The following SLC6A5 variants were observed in gnomAD, a reference collection of about 807,000 sequenced individuals.
The protein encoded by SLC6A5 is solute carrier family 6 member 5, also known as sodium- and chloride-dependent glycine transporter 2.
In SLC6A5, 58 loss-of-function variants were observed where a neutral mutation model predicts 90.5. The observed-to-expected ratio is 0.64, with a 90% CI of 0.52 to 0.80. The LOEUF is 0.80. SLC6A5 is among the 30% of genes least tolerant of loss of function. The probability of loss-of-function intolerance (pLI) is 0.00; values close to 1 mark genes in which losing one functional copy is unlikely to be tolerated. For synonymous variants in SLC6A5, 427 were observed against 401.4 expected, an observed-to-expected ratio of 1.06 and a Z score of -0.76; for missense variants, 1,015 against 1,017.6, an observed-to-expected ratio of 1.00 and a Z score of 0.03.
At chr11:20,618,125 GT>G (rs570676070) in intron 7 of SLC6A5, among the ~76,000 whole-genome samples, 1 of 1,500 alleles carries the variant, frequency 6.7e-4, no homozygotes, top group Non-Finnish European at 6.8e-3. Context: ...TCAAGGGATG[GT>G]GGGGGGTACT....
intron 2 of SLC6A5, 115 bp from the exon 3 acceptor site, chr11:20,604,171 T>G: frequency 7.4e-7 from 1 of 1,347,254 alleles, no homozygotes; most frequent in Non-Finnish European, 1.0e-6. Context: ...GCATCCTCGG[T>G]TGAGAAGTGG....
chr11:20,622,502 C>T lies in SLC6A5; in HGVS notation c.1261-4206C>T, dbSNP rs183835005. On this transcript the variant is annotated intron_variant, in intron 7 of 15. Transcript: ENST00000525748. ...TCTCATCATGTGGCCCATAGAATGGCATTCATGGAAAGAGTGGCTTTGGAG... is the reference window on the plus strand; with the variant it reads ...TCTCATCATGTGGCCCATAGAATGGTATTCATGGAAAGAGTGGCTTTGGAG... 1.9e-3 allele frequency among the ~76,000 whole-genome samples: 295 copies of T among 152,288 alleles called. 1 individual carries two copies. Among genetic ancestry groups the T allele is most frequent in the Non-Finnish European group, 3.0e-3 (203 of 68,022 alleles).
At position 20,640,697 on chromosome 11, in the gene SLC6A5, T is replaced by TA. The variant is rs34284603; in HGVS notation, c.1969+2153dup. On this transcript the variant is annotated intron_variant, in intron 13 of 15. Coordinates refer to ENST00000525748, the MANE Select transcript of SLC6A5 (RefSeq NM_004211.5). Reference sequence around the variant, plus strand: ...AATAAGCTAACATGACTGTTTGAGGTAAAAAAAAAAAAAAGAAGAAAAAAG... The same window carrying TA: ...AATAAGCTAACATGACTGTTTGAGGTAAAAAAAAAAAAAAAGAAGAAAAAAG... 1.1e-3 allele frequency among the ~76,000 whole-genome samples: 169 copies of TA among 148,232 alleles called. 2 individuals carry two copies. The highest frequency in any genetic ancestry group is 3.9e-3 in the African/African-American group (156 of 40,234).
At chr11:20,610,176 A>G (rs993960173) in intron 5 of SLC6A5, among the ~76,000 whole-genome samples, 2 of 152,226 alleles carry the variant, frequency 1.3e-5, no homozygotes, top group African/African-American at 4.8e-5. Flanking sequence ...CCAATTTAGC[A>G]CGATCATTAT....
intron 13 of SLC6A5, among the ~76,000 whole-genome samples, chr11:20,643,093 C>T (rs1409536695): frequency 6.6e-6 from 1 of 152,190 alleles, no homozygotes; most frequent in Admixed American, 6.5e-5. Context: ...TTCCTTAGGT[C>T]TAACCTTGAG....
intron 5 of SLC6A5, among the ~76,000 whole-genome samples, chr11:20,612,334 C>G (rs1405340517): frequency 1.3e-5 from 2 of 152,138 alleles, no homozygotes; most frequent in Non-Finnish European, 2.9e-5. Flanking sequence ...TTTGTGATCT[C>G]TCTTCATTTA....
At chr11:20,603,238 G>A (rs1173281516) in intron 2 of SLC6A5, among the ~76,000 whole-genome samples, 1 of 147,334 alleles carries the variant, frequency 6.8e-6, no homozygotes, top group Non-Finnish European at 1.5e-5. Context: ...TGGAAACTGT[G>A]TGTTGGCCTG....
At chr11:20,637,943 A>G (rs1428608231) in intron 12 of SLC6A5, among the ~76,000 whole-genome samples, 1 of 152,036 alleles carries the variant, frequency 6.6e-6, no homozygotes, top group Non-Finnish European at 1.5e-5. Flanking sequence ...TCAGGGCTTT[A>G]ATTTCTTCTT....
At chr11:20,654,655 C>T in intron 15 of SLC6A5, 58 bp from the exon 16 acceptor site, 1 of 1,587,560 alleles carries the variant, frequency 6.3e-7, no homozygotes, top group Non-Finnish European at 8.6e-7. Flanking sequence ...GTGGGTCGTC[C>T]CCAGGTGAGG....
chr11:20,629,672 G>T (rs1853069975), intron 9 of SLC6A5, among the ~76,000 whole-genome samples: 1 of 150,904 alleles, frequency 6.6e-6, no homozygotes, highest in Non-Finnish European at 1.5e-5. Context: ...TCTTCTAGCT[G>T]TTTGAAAACA....
rs751452875 is a variant in SLC6A5 at position 20,607,655 on chromosome 11, A to G, written c.985+3A>G. 7 of 1,612,158 alleles carry G rather than the reference A, an allele frequency of 4.3e-6. No individual in the cohort carries two copies. The highest frequency in any genetic ancestry group is 1.1e-5 in the South Asian group (1 of 91,054). On this transcript the variant is annotated splice_donor_region_variant and intron_variant, in intron 5 of 15. Coordinates refer to ENST00000525748, the MANE Select transcript of SLC6A5 (RefSeq NM_004211.5). ...AGATAAAACCAAACTTTTATTAGGT[A>G]AGTTTGGAAATACCTGCTTTAGGTG...
chr11:20,617,221 T>A (rs1457334181), intron 6 of SLC6A5, among the ~76,000 whole-genome samples: 1 of 152,236 alleles, frequency 6.6e-6, no homozygotes, highest in Non-Finnish European at 1.5e-5. Context: ...CTTTTATAAT[T>A]AAGCCAACCT....
At chr11:20,600,324 AAAG>A (rs1251039946) in intron 1 of SLC6A5, among the ~76,000 whole-genome samples, 2 of 124,686 alleles carry the variant, frequency 1.6e-5, no homozygotes, top group South Asian at 2.7e-4. Flanking sequence ...GTTACGCAAA[AAAG>A]AAGAAGAGGA....
Position 20,603,360 on chromosome 11 carries a change from G to T in SLC6A5, c.541-926G>T, listed in dbSNP as rs181821254. Reference sequence around the variant, plus strand: ...TACTAGTGAGGCATTCCAGGACCAGGCACTGCCCCAAGAAAGCATCTTCGT... The same window carrying T: ...TACTAGTGAGGCATTCCAGGACCAGTCACTGCCCCAAGAAAGCATCTTCGT... On this transcript the variant is annotated intron_variant, in intron 2 of 15. Coordinates refer to ENST00000525748, the MANE Select transcript of SLC6A5 (RefSeq NM_004211.5). 2.0e-3 allele frequency among the ~76,000 whole-genome samples: 309 copies of T among 152,270 alleles called. 3 individuals carry two copies. Among genetic ancestry groups the T allele is most frequent in the Non-Finnish European group, 3.9e-3 (262 of 68,012 alleles).
In SLC6A5 at chr11:20,638,550, A is replaced by G; in HGVS notation, c.1961A>G (p.Tyr654Cys). The change falls in exon 13 of 16, where the codon TAT becomes TGT. Residue 654 changes from tyrosine to cysteine, a missense_variant. By Grantham distance (194) the Tyr-to-Cys change is radical (BLOSUM62 -2). Around this residue, in one of 3 missense-constraint regions of SLC6A5, gnomAD observed 442 missense variants for 494.3 expected, o/e 0.89. Coordinates refer to ENST00000525748, the MANE Select transcript of SLC6A5 (RefSeq NM_004211.5). ...IAIFELVGIS[Y>C]VYGLQRFCED... ...ATTTTTGAGCTCGTGGGGATCTCTT[A>G]TGTGTATGGTAAGGAAATCACTGTG... 1 of 1,596,592 alleles carries G rather than the reference A, an allele frequency of 6.3e-7. No individual in the cohort carries two copies. The highest frequency in any genetic ancestry group is 8.6e-7 in the Non-Finnish European group (1 of 1,164,176).
At chr11:20,608,980 G>A (rs991525492) in intron 5 of SLC6A5, among the ~76,000 whole-genome samples, 2 of 151,132 alleles carry the variant, frequency 1.3e-5, no homozygotes, top group Non-Finnish European at 1.5e-5. Flanking sequence ...GTGTGTGTGT[G>A]TGTGTGTGTG....
At chr11:20,604,457 G>A (rs1852539019) in intron 3 of SLC6A5, 33 bp downstream of exon 3, 7 of 1,608,198 alleles carry the variant, frequency 4.4e-6, no homozygotes, top group Non-Finnish European at 4.2e-6. Context: ...GCCTGCGGCG[G>A]GGCGGGGCGG....
intron 13 of SLC6A5, among the ~76,000 whole-genome samples, chr11:20,639,924 C>G (rs1174434768): frequency 6.6e-6 from 1 of 152,196 alleles, no homozygotes; most frequent in Non-Finnish European, 1.5e-5. Flanking sequence ...GCTGCCAGCA[C>G]TTTTGGCTGA....
chr11:20,615,558 G>A (rs998419441), intron 6 of SLC6A5, among the ~76,000 whole-genome samples: 5 of 152,048 alleles, frequency 3.3e-5, no homozygotes, highest in African/African-American at 9.7e-5. Flanking sequence ...TAGTAGAGAC[G>A]GGGTTTCACC....
Sources: allele counts gnomAD v4.1 joint callset (sites outside exome capture counted in the v4.1 genomes callset), GRCh38; gene constraint gnomAD v4.1.1; regional missense constraint gnomAD v4.1.1; transcripts MANE v1.5; gene names NCBI Gene and HGNC (gene_info 2026-07-23, HGNC 2026-07-21).